PIGQ: variants seen among roughly 807,000 people sequenced by gnomAD.
PIGQ encodes the protein phosphatidylinositol glycan anchor biosynthesis class Q.
In PIGQ, 54 loss-of-function variants were observed where a neutral mutation model predicts 60.3. That is an observed-to-expected ratio of 0.90 (90% confidence interval 0.72 to 1.12). PIGQ has a LOEUF of 1.12. Among genes scored for constraint, PIGQ ranks in the 50% most tolerant of loss-of-function variants. The pLI, the probability that PIGQ is intolerant of heterozygous loss-of-function variation, is 0.00. For missense variants in PIGQ, 799 were observed against 793.5 expected, an observed-to-expected ratio of 1.01 and a Z score of -0.08; for synonymous variants, 416 against 363.7, an observed-to-expected ratio of 1.14 and a Z score of -1.64.
intron 1 of PIGQ, among the ~76,000 whole-genome samples, chr16:572,189 C>T (rs2035641663): frequency 6.6e-6 from 1 of 152,198 alleles, no homozygotes; most frequent in Admixed American, 6.5e-5. Context: ...GGTGGTCACA[C>T]AGCCAGACAC....
rs763976337 is a variant in PIGQ at position 583,161 on chromosome 16, G to A, written c.*126G>A. ...GACGCTGCTGTGTGCTCCTGAACAC[G>A]GCAGGCCCTGCTATCACACCTTGGG... On this transcript the variant is annotated 3_prime_UTR_variant, in exon 11 of 11. Transcript: ENST00000321878. 15 of 1,613,178 alleles carry A rather than the reference G, an allele frequency of 9.3e-6. No homozygotes were observed. The East Asian group carries it at 1.8e-4, about 19-fold the overall frequency.
chr16:571,007 C>A (rs929028757), intron 1 of PIGQ, among the ~76,000 whole-genome samples: 4 of 147,252 alleles, frequency 2.7e-5, no homozygotes, highest in African/African-American at 1.0e-4. Context: ...TCATTCTTAG[C>A]AGAGGAAGCT....
rs1415008715 is a variant in PIGQ at position 571,065 on chromosome 16, G to C, written c.-10+969G>C. Among the ~76,000 whole-genome samples the C allele has an allele frequency of 1.8e-3, 34 of 18,766 alleles. 3 individuals are homozygous for C. The East Asian group carries it at 0.022, about 12-fold the overall frequency. The allele number at this position is 18,766 out of a possible 152,430, so 12.3% of individuals were successfully genotyped here. A position where few individuals can be genotyped will look rare whatever the true frequency, so the allele number is the denominator to read the frequency against. On this transcript the variant is annotated intron_variant, in intron 1 of 10. Transcript: ENST00000321878. ...TGTGTGTGTGTGTGTGTGTGTGTGTGTGTGTGTGTGTGTGTGTGTGTGTGT... is the reference window on the plus strand; with the variant it reads ...TGTGTGTGTGTGTGTGTGTGTGTGTCTGTGTGTGTGTGTGTGTGTGTGTGT...
chr16:578,748 TCTGAGCGCCTC>T, intron 5 of PIGQ, 26 bp from the exon 6 acceptor site: 1 of 1,603,014 alleles, frequency 6.2e-7, no homozygotes. Flanking sequence ...AGGGCTGGGG[TCTGAGCGCCTC>T]CTGAGGGCCT....
At position 574,245 on chromosome 16, in the gene PIGQ, G is replaced by C; in HGVS notation, c.171G>C (p.Gln57His). The C allele has an allele frequency of 1.2e-6, 2 of 1,609,864 alleles. No homozygotes were observed. The highest frequency in any genetic ancestry group is 8.5e-7 in the Non-Finnish European group (1 of 1,179,530). Residue 57 changes from glutamine to histidine, a missense_variant, in exon 2 of 11, where the codon CAG becomes CAC. Transcript: ENST00000321878. ...QLLAQVRQAS[Q>H]VGVAVLGTWC... ...TGGCCCAGGTGCGGCAGGCCAGCCAGGTGGGCGTGGCCGTGCTGGGCACCT... is the reference window on the plus strand; with the variant it reads ...TGGCCCAGGTGCGGCAGGCCAGCCACGTGGGCGTGGCCGTGCTGGGCACCT...
intron 10 of PIGQ, 111 bp from the exon 11 acceptor site, chr16:582,772 A>C: frequency 1.7e-6 from 2 of 1,164,312 alleles, no homozygotes; most frequent in Non-Finnish European, 2.4e-6. Flanking sequence ...CAGGCAAGGG[A>C]ATGTCTGAGA....
intron 4 of PIGQ, chr16:578,096 G>A: frequency 2.9e-6 from 1 of 345,088 alleles, no homozygotes; most frequent in South Asian, 3.8e-5. Context: ...TGAGAGGGGA[G>A]GAAGATGGTA....
intron 1 of PIGQ, 57 bp from the exon 2 acceptor site, chr16:574,009 G>GGCCGTCTGTGCTGC: frequency 7.8e-7 from 1 of 1,289,404 alleles, no homozygotes; most frequent in South Asian, 1.4e-5. Context: ...ACATCCCGCA[G>GGCCGTCTGTGCTGC]CCCACGGTGG....
intron 1 of PIGQ, 110 bp from the exon 2 acceptor site, chr16:573,956 C>A: frequency 1.3e-6 from 1 of 742,694 alleles, no homozygotes; most frequent in Non-Finnish European, 2.1e-6. Context: ...TGAGGTGCCC[C>A]GACCTGGGGC....
rs956757811 is a variant in PIGQ at position 576,528 on chromosome 16, T to G, written c.942+274T>G. On this transcript the variant is annotated intron_variant, in intron 4 of 10. Coordinates refer to ENST00000321878, the MANE Select transcript of PIGQ (RefSeq NM_004204.5). Reference sequence around the variant, plus strand: ...AGGCTCTGGGGAGCCCGCCTCTCCCTGTGGGCCCAGCGTCCTGGTATCTCC... The same window carrying G: ...AGGCTCTGGGGAGCCCGCCTCTCCCGGTGGGCCCAGCGTCCTGGTATCTCC... 19 of 562,674 alleles carry G rather than the reference T, an allele frequency of 3.4e-5. No homozygotes were observed. In the African/African-American group the frequency reaches 3.6e-4, roughly 11 times the overall value. 34.9% of individuals were successfully genotyped at this position (562,674 alleles called of 1,614,324 possible).
chr16:571,535 C>CTA (rs2035628338), intron 1 of PIGQ, among the ~76,000 whole-genome samples: 1 of 17,916 alleles, frequency 5.6e-5, no homozygotes, highest in African/African-American at 2.4e-4. Context: ...GCTAGCCTGG[C>CTA]GCCTGTGTGT....
chr16:580,051 C>A, intron 7 of PIGQ, 132 bp from the exon 8 acceptor site: 1 of 616,594 alleles, frequency 1.6e-6, no homozygotes, highest in Non-Finnish European at 2.8e-6. Context: ...TGCTTCTGAG[C>A]AGGCCATCCC....
At chr16:580,081 C>T in intron 7 of PIGQ, 102 bp from the exon 8 acceptor site, 1 of 819,582 alleles carries the variant, frequency 1.2e-6, no homozygotes. Flanking sequence ...CAGGAAGCCG[C>T]AAGGTCCCGA....
At chr16:572,242 T>C (rs1035215252) in intron 1 of PIGQ, among the ~76,000 whole-genome samples, 2 of 152,208 alleles carry the variant, frequency 1.3e-5, no homozygotes, top group African/African-American at 4.8e-5. Context: ...CCTCTCACGA[T>C]GTCCTTGGTG....
At chr16:577,783 G>A (rs376044927) in intron 4 of PIGQ, 13 of 152,416 alleles carry the variant, frequency 8.5e-5, no homozygotes, top group East Asian at 3.8e-4. Context: ...CTTCCTGGGC[G>A]GCCAAGACCC....
In PIGQ at chr16:578,364, C is replaced by A; in HGVS notation, c.943-15C>A. On this transcript the variant is annotated splice_polypyrimidine_tract_variant and intron_variant, in intron 4 of 10. Coordinates refer to ENST00000321878, the MANE Select transcript of PIGQ (RefSeq NM_004204.5). ...TGGCTGCCCCCGCCCCAGCGTGGCC[C>A]CTGTGTCCCTGCAGCACGTGGCCGA... 6.2e-7 allele frequency: 1 copy of A among 1,604,876 alleles called. No homozygotes were observed. Among genetic ancestry groups the A allele is most frequent in the South Asian group, 1.1e-5 (1 of 90,666 alleles).
chr16:571,607 C>A (rs895009085), intron 1 of PIGQ, among the ~76,000 whole-genome samples: 3 of 83,968 alleles, frequency 3.6e-5, no homozygotes, highest in South Asian at 4.4e-4. Flanking sequence ...GCTAGCCTGG[C>A]GCCCGTGTGT....
chr16:575,232 T>G (rs1368543175), intron 2 of PIGQ, among the ~76,000 whole-genome samples: 1 of 152,104 alleles, frequency 6.6e-6, no homozygotes. Context: ...GGGGGAGTGG[T>G]CTACAGGCCC....
chr16:572,972 C>T (rs2035659036), intron 1 of PIGQ, among the ~76,000 whole-genome samples: 1 of 152,256 alleles, frequency 6.6e-6, no homozygotes, highest in Non-Finnish European at 1.5e-5. Context: ...CGAGATGGGG[C>T]TTTCTGTGTC....
Sources: allele counts gnomAD v4.1 joint callset (sites outside exome capture counted in the v4.1 genomes callset), GRCh38; gene constraint gnomAD v4.1.1; transcripts MANE v1.5; gene names NCBI Gene and HGNC (gene_info 2026-07-23, HGNC 2026-07-21).